The following EML1 variants were observed in gnomAD, a reference collection of about 807,000 sequenced individuals.
EML1 encodes the protein EMAP like 1, also known as echinoderm microtubule-associated protein-like 1.
In EML1, 27 loss-of-function variants were observed where a neutral mutation model predicts 110.4. That is an observed-to-expected ratio of 0.24 (90% CI 0.18 to 0.34). The LOEUF is 0.34. EML1 is among the 10% of genes least tolerant of loss of function. The pLI is 1.00. For synonymous variants in EML1, 344 were observed against 385.8 expected (o/e 0.89, Z 1.27); for missense variants, 741 against 1,030.9 (o/e 0.72, Z 3.85).
chr14:99,756,602 G>C (rs575869317), intron 1 of EML1, among the ~76,000 whole-genome samples: 3 of 152,158 alleles, frequency 2.0e-5, no homozygotes, highest in Non-Finnish European at 4.4e-5. Flanking sequence ...TGGGGTCATC[G>C]ACCCAATTTC....
At chr14:99,814,178 A>G (rs1320779324) in intron 1 of EML1, among the ~76,000 whole-genome samples, 1 of 152,234 alleles carries the variant, frequency 6.6e-6, no homozygotes, top group Non-Finnish European at 1.5e-5. Flanking sequence ...TAGAGTTGTA[A>G]AGGACCTCGG....
chr14:99,825,697 C>A (rs1249483624), intron 1 of EML1, among the ~76,000 whole-genome samples: 1 of 152,194 alleles, frequency 6.6e-6, no homozygotes, highest in Non-Finnish European at 1.5e-5. Flanking sequence ...ACACTAAGCG[C>A]TTACTAGGAG....
chr14:99,830,346 C>CT (rs1234807380), intron 1 of EML1, among the ~76,000 whole-genome samples: 1 of 152,018 alleles, frequency 6.6e-6, no homozygotes, highest in African/African-American at 2.4e-5. Context: ...GGTTGTTTAT[C>CT]TTTTTGTTAT....
intron 1 of EML1, among the ~76,000 whole-genome samples, chr14:99,820,780 A>G (rs967696413): frequency 2.0e-5 from 3 of 152,044 alleles, no homozygotes; most frequent in Non-Finnish European, 4.4e-5. Context: ...GGTTGCTGTA[A>G]ACTGAACTGA....
chr14:99,896,768 T>C (rs1191092), intron 6 of EML1, among the ~76,000 whole-genome samples: 45,994 of 151,418 alleles, frequency 0.3, 8,001 homozygotes, highest in South Asian at 0.49. Context: ...TTTATGTATG[T>C]TTGTGTGCAT....
chr14:99,796,936 T>TGA (rs71464634), intron 1 of EML1, among the ~76,000 whole-genome samples: 30,492 of 150,026 alleles, frequency 0.2, 3,615 homozygotes, highest in Non-Finnish European at 0.27. Context: ...TGTGTGTGTG[T>TGA]GAGAGAGTAA....
rs114029666 is a variant in EML1 at position 99,799,054 on chromosome 14, C to T, written c.67+5511C>T. Reference sequence around the variant, plus strand: ...GGTGTCATGAGAGAATTATCAGATGCCCTCTAAGGCCTGACTGGAGCGTAT... The same window carrying T: ...GGTGTCATGAGAGAATTATCAGATGTCCTCTAAGGCCTGACTGGAGCGTAT... On this transcript the variant is annotated intron_variant, in intron 1 of 21. Coordinates refer to ENST00000262233, the MANE Select transcript of EML1 (RefSeq NM_004434.3). Among the ~76,000 whole-genome samples, 464 of 152,206 alleles carry T rather than the reference C, an allele frequency of 3.0e-3. 3 individuals are homozygous for T. Among genetic ancestry groups the T allele is most frequent in the African/African-American group, 0.011 (448 of 41,520 alleles).
intron 2 of EML1, among the ~76,000 whole-genome samples, chr14:99,861,856 G>C (rs1045864986): frequency 6.6e-6 from 1 of 152,120 alleles, no homozygotes; most frequent in Non-Finnish European, 1.5e-5. Flanking sequence ...AGCACAGAAG[G>C]TTCCCATAGA....
intron 1 of EML1, among the ~76,000 whole-genome samples, chr14:99,765,451 C>T (rs2057358167): frequency 6.6e-6 from 1 of 152,138 alleles, no homozygotes; most frequent in Admixed American, 6.5e-5. Flanking sequence ...GCTCTAGGTA[C>T]ATCATGTGAG....
intron 1 of EML1, among the ~76,000 whole-genome samples, chr14:99,844,841 T>A (rs1170613449): frequency 1.3e-5 from 2 of 152,158 alleles, no homozygotes; most frequent in African/African-American, 4.8e-5. Flanking sequence ...ATGCAAGTTG[T>A]TTTGTGTATC....
At chr14:99,738,552 G>A (rs766256423) in intron 1 of EML1, among the ~76,000 whole-genome samples, 19 of 152,216 alleles carry the variant, frequency 1.2e-4, no homozygotes, top group Non-Finnish European at 2.8e-4. Context: ...AATCCAGGGG[G>A]ACTCTGGAGT....
chr14:99,829,896 C>T (rs991772351), intron 1 of EML1, among the ~76,000 whole-genome samples: 34 of 152,276 alleles, frequency 2.2e-4, no homozygotes, highest in Admixed American at 2.2e-3. Flanking sequence ...TTCATCCATC[C>T]ATGGACATTT....
At chr14:99,853,632 C>G (rs1460184271) in intron 2 of EML1, among the ~76,000 whole-genome samples, 2 of 152,154 alleles carry the variant, frequency 1.3e-5, no homozygotes, top group Non-Finnish European at 2.9e-5. Flanking sequence ...TTTGGCCTGC[C>G]ATGCTCATAT....
chr14:99,873,801 C>CT (rs1272998720), intron 3 of EML1, among the ~76,000 whole-genome samples: 2 of 152,226 alleles, frequency 1.3e-5, no homozygotes, highest in African/African-American at 4.8e-5. Flanking sequence ...TTATCTCAGT[C>CT]TGTCAGAATT....
intron 16 of EML1, among the ~76,000 whole-genome samples, chr14:99,918,366 G>A (rs1309360002): frequency 1.3e-5 from 2 of 152,168 alleles, no homozygotes; most frequent in African/African-American, 4.8e-5. Flanking sequence ...AAAGTGCTGA[G>A]ATCACAGGCA....
At chr14:99,809,692 G>A (rs2058042392) in intron 1 of EML1, 2 of 455,980 alleles carry the variant, frequency 4.4e-6, no homozygotes, top group Non-Finnish European at 8.8e-6. Context: ...TTGGTAACTT[G>A]TTTGCTAGTT....
intron 2 of EML1, among the ~76,000 whole-genome samples, chr14:99,859,662 C>A (rs912979679): frequency 2.6e-5 from 4 of 152,126 alleles, no homozygotes; most frequent in East Asian, 1.9e-4. Flanking sequence ...CTACCTCCCC[C>A]ACTCTGCCTT....
At chr14:99,898,161 A>C (rs535805620) in intron 7 of EML1, 72 bp from the exon 8 acceptor site, 1 of 1,316,456 alleles carries the variant, frequency 7.6e-7, no homozygotes, top group African/African-American at 1.5e-5. Flanking sequence ...TTTTGACTAG[A>C]TTATATTTGA....
rs182069701 is a variant in EML1 at position 99,747,724 on chromosome 14, C to T, written c.28+9864C>T. The stretch of plus-strand genomic sequence containing the variant: ...TTCTTATCTACTCTCTGCAGGGGCT[C>T]GGAGTAAGGACACCTGCCAGTCACT... On this transcript the variant is annotated intron_variant, in intron 1 of 10. Transcript: ENST00000554479. 2.4e-3 allele frequency among the ~76,000 whole-genome samples: 362 copies of T among 152,208 alleles called. 1 individual carries two copies. The highest frequency in any genetic ancestry group is 8.3e-3 in the African/African-American group (345 of 41,534).
Sources: gnomAD v4.1 joint callset for allele counts (sites outside exome capture counted in the v4.1 genomes callset) on GRCh38, gnomAD v4.1.1 for gene constraint, MANE v1.5 for transcripts, NCBI Gene and HGNC (gene_info 2026-07-23, HGNC 2026-07-21) for gene names.